Variants in FRMD4B observed in about 807,000 individuals in gnomAD.
FRMD4B encodes the protein FERM domain containing 4B.
A neutral mutation model predicts 141.5 loss-of-function variants in FRMD4B; 74 were observed. The ratio of observed to expected loss-of-function variants is 0.52; its 90% CI spans 0.43 to 0.63. The LOEUF is 0.63. FRMD4B is among the 30% of genes least tolerant of loss of function. The pLI is 0.00. For synonymous variants in FRMD4B, 506 were observed against 467.9 expected (o/e 1.08, Z -1.05); for missense variants, 1,366 against 1,253.4 (o/e 1.09, Z -1.36).
At chr3:69,495,159 T>C (rs17006017) in intron 1 of FRMD4B, among the ~76,000 whole-genome samples, 2,353 of 152,182 alleles carry the variant, frequency 0.015, 59 homozygotes, top group African/African-American at 0.054. Flanking sequence ...CCTAATAAAC[T>C]ACAACCCCAC....
intron 5 of FRMD4B, among the ~76,000 whole-genome samples, chr3:69,251,688 C>G (rs906157372): frequency 2.0e-5 from 3 of 152,178 alleles, no homozygotes; most frequent in African/African-American, 7.2e-5. Context: ...ATTCAAAGCT[C>G]GCCCATAATC....
At chr3:69,279,826 A>C (rs1276815141) in intron 5 of FRMD4B, among the ~76,000 whole-genome samples, 2 of 148,360 alleles carry the variant, frequency 1.3e-5, no homozygotes, top group African/African-American at 5.0e-5. Flanking sequence ...CCACTTCTGC[A>C]GAAAAGGGAG....
chr3:69,536,047 G>T, intron 1 of FRMD4B: 1 of 417,040 alleles, frequency 2.4e-6, no homozygotes, highest in South Asian at 2.1e-5. Context: ...TCTGGCTTAG[G>T]GGTGCCTTCC....
At chr3:69,428,085 G>A (rs80275902) in intron 2 of FRMD4B, among the ~76,000 whole-genome samples, 2 of 152,048 alleles carry the variant, frequency 1.3e-5, no homozygotes, top group Non-Finnish European at 2.9e-5. Context: ...CTTTTCAGTT[G>A]TAACTATGCA....
At chr3:69,461,349 G>C (rs1306500107) in intron 1 of FRMD4B, among the ~76,000 whole-genome samples, 1 of 151,810 alleles carries the variant, frequency 6.6e-6, no homozygotes, top group Non-Finnish European at 1.5e-5. Context: ...GCTTGAAGCT[G>C]GGAGTTCGAG....
intron 2 of FRMD4B, among the ~76,000 whole-genome samples, chr3:69,430,639 C>A (rs1227876362): frequency 1.3e-5 from 2 of 152,126 alleles, no homozygotes; most frequent in Non-Finnish European, 1.5e-5. Flanking sequence ...AACTTATACA[C>A]CAGGAGAGAA....
chr3:69,324,398 T>A (rs1411662858), intron 1 of FRMD4B, among the ~76,000 whole-genome samples: 2 of 152,258 alleles, frequency 1.3e-5, no homozygotes, highest in Admixed American at 1.3e-4. Context: ...TTGGCACTAT[T>A]ATATACCAGC....
chr3:69,310,235 C>A (rs575316636), intron 3 of FRMD4B, among the ~76,000 whole-genome samples: 2 of 152,134 alleles, frequency 1.3e-5, no homozygotes, highest in Non-Finnish European at 2.9e-5. Flanking sequence ...AGGTCCTAGG[C>A]TCACAGCCCA....
At chr3:69,291,015 T>C (rs1230329242) in intron 4 of FRMD4B, among the ~76,000 whole-genome samples, 1 of 152,220 alleles carries the variant, frequency 6.6e-6, no homozygotes, top group East Asian at 1.9e-4. Context: ...TGTTAACATA[T>C]ATAGAAGTAC....
chr3:69,278,228 T>C (rs2093627743), intron 5 of FRMD4B, among the ~76,000 whole-genome samples: 2 of 152,184 alleles, frequency 1.3e-5, no homozygotes, highest in South Asian at 4.1e-4. Flanking sequence ...CACATACAGA[T>C]AAGTTTGGAA....
rs947831440 is a variant in FRMD4B, at chr3:69,183,906, C to CT, written c.1920-1190dup. 1.2e-3 allele frequency among the ~76,000 whole-genome samples: 179 copies of CT among 151,630 alleles called. 1 individual carries two copies. The highest frequency in any genetic ancestry group is 3.9e-3 in the African/African-American group (160 of 41,340). On this transcript the variant is annotated intron_variant, in intron 19 of 22. Coordinates refer to ENST00000398540, the MANE Select transcript of FRMD4B (RefSeq NM_015123.3). Reference sequence around the variant, plus strand: ...AAAGAAAAATTTAAATGTCTATAATCTTTTTTTTAGATGGAGTCTCGCTCT... The same window carrying CT: ...AAAGAAAAATTTAAATGTCTATAATCTTTTTTTTTAGATGGAGTCTCGCTCT...
intron 22 of FRMD4B, among the ~76,000 whole-genome samples, chr3:69,175,529 C>A (rs759376741): frequency 6.6e-6 from 1 of 152,218 alleles, no homozygotes; most frequent in Non-Finnish European, 1.5e-5. Context: ...AGATAAAAAA[C>A]GCAGCAAATG....
At chr3:69,207,967 C>T (rs891309326) in intron 11 of FRMD4B, among the ~76,000 whole-genome samples, 2 of 152,244 alleles carry the variant, frequency 1.3e-5, no homozygotes, top group South Asian at 4.1e-4. Context: ...GTAACTTCCG[C>T]TTCCTGGGTT....
chr3:69,328,158 T>G (rs1474088017), intron 1 of FRMD4B, among the ~76,000 whole-genome samples: 1 of 152,236 alleles, frequency 6.6e-6, no homozygotes, highest in Non-Finnish European at 1.5e-5. Context: ...TGTCCCATTT[T>G]CAAGCTGGTT....
intron 21 of FRMD4B, among the ~76,000 whole-genome samples, 187 bp from the exon 22 acceptor site, chr3:69,176,843 C>T (rs73835749): frequency 6.6e-6 from 1 of 151,916 alleles, no homozygotes; most frequent in Non-Finnish European, 1.5e-5. Flanking sequence ...GTAGTTTATC[C>T]TCTTTAAGCC....
rs114061126 is a variant in FRMD4B, at chr3:69,428,959, C to T, written c.-1+3675G>A. Among the ~76,000 whole-genome samples the T allele has an allele frequency of 2.6e-3, 402 of 152,282 alleles. 2 individuals carry two copies. Among genetic ancestry groups the T allele is most frequent in the African/African-American group, 8.7e-3 (360 of 41,558 alleles). On this transcript the variant is annotated intron_variant, in intron 2 of 5. Transcript: ENST00000459638. The stretch of plus-strand genomic sequence containing the variant: ...AGATCACACTGTATTCATCCTTTTG[C>T]GACTGGCTTATTTCATATAGCATAA...
At chr3:69,337,723 A>C (rs186104761) in intron 1 of FRMD4B, among the ~76,000 whole-genome samples, 3 of 152,360 alleles carry the variant, frequency 2.0e-5, no homozygotes, top group East Asian at 1.9e-4. Flanking sequence ...TCATCACTGG[A>C]CATCAGAGAA....
intron 17 of FRMD4B, among the ~76,000 whole-genome samples, chr3:69,190,926 C>T (rs952192543): frequency 6.6e-6 from 1 of 152,214 alleles, no homozygotes; most frequent in East Asian, 1.9e-4. Context: ...CTCAATCCCA[C>T]AATGGGGATA....
chr3:69,423,121 A>G (rs1163926500), intron 2 of FRMD4B, among the ~76,000 whole-genome samples: 4 of 152,216 alleles, frequency 2.6e-5, no homozygotes, highest in African/African-American at 9.6e-5. Context: ...GTTAGAATTC[A>G]TTCATAACTC....
Sources: gnomAD v4.1 joint callset for allele counts (sites outside exome capture counted in the v4.1 genomes callset) on GRCh38, gnomAD v4.1.1 for gene constraint, MANE v1.5 for transcripts, NCBI Gene and HGNC (gene_info 2026-07-23, HGNC 2026-07-21) for gene names.